KANK1: variants seen among roughly 807,000 people sequenced by gnomAD.
The protein encoded by KANK1 is KN motif and ankyrin repeat domain-containing protein 1.
In KANK1, 109 loss-of-function variants were observed where a neutral mutation model predicts 106.2. The ratio of observed to expected loss-of-function variants is 1.03; its 90% confidence interval spans 0.88 to 1.20. The LOEUF (loss-of-function observed/expected upper bound fraction) is 1.20. Ranked by LOEUF, KANK1 falls within the 50% of genes most tolerant of loss-of-function variation. The pLI is 0.00. For missense variants in KANK1, 2,399 were observed against 1,710.7 expected, an observed-to-expected ratio of 1.40 and a Z score of -7.10; for synonymous variants, 873 against 652.2, an observed-to-expected ratio of 1.34 and a Z score of -5.16.
In KANK1 at chr9:732,552, T is replaced by G; in HGVS notation, c.3180T>G (p.Ser1060=). ...HHAVNIEGLK[S]ARVEDEMQVQ... is the part of the protein sequence containing the mutation. ...CAGTTAATATTGAAGGTTTGAAGTC[T>G]GCCAGGGTGGAAGATGAAATGCAGG... is the stretch of plus-strand genomic sequence containing the variant. The change falls in exon 6 of 12, where the codon TCT becomes TCG. Residue 1060 remains serine, a synonymous_variant. Transcript: ENST00000382297. 6.2e-7 allele frequency: 1 copy of G among 1,614,190 alleles called. No homozygotes were observed. The highest frequency in any genetic ancestry group is 8.5e-7 in the Non-Finnish European group (1 of 1,180,030).
At chr9:570,350 TTGAGA>T (rs1339314383) in intron 1 of KANK1, among the ~76,000 whole-genome samples, 20 of 152,274 alleles carry the variant, frequency 1.3e-4, no homozygotes, top group African/African-American at 4.6e-4. Context: ...GTTAACAGTG[TTGAGA>T]TAAGAGAGGT....
At chr9:552,793 C>T (rs1267626977) in intron 1 of KANK1, among the ~76,000 whole-genome samples, 3 of 152,190 alleles carry the variant, frequency 2.0e-5, no homozygotes, top group East Asian at 1.9e-4. Context: ...GTATTGCATA[C>T]ACTGCTTTTA....
intron 1 of KANK1, among the ~76,000 whole-genome samples, chr9:520,699 C>T (rs1359633190): frequency 6.6e-6 from 1 of 151,696 alleles, no homozygotes; most frequent in Admixed American, 6.6e-5. Flanking sequence ...AAGATTATGC[C>T]TCAGAAATCT....
At chr9:722,327 C>G (rs1021218050) in intron 3 of KANK1, among the ~76,000 whole-genome samples, 1 of 152,096 alleles carries the variant, frequency 6.6e-6, no homozygotes, top group Non-Finnish European at 1.5e-5. Context: ...CTCTCTCTCT[C>G]TCTGTCTCTC....
chr9:673,624 C>T (rs1815743460), intron 1 of KANK1: 1 of 152,156 alleles, frequency 6.6e-6, no homozygotes, highest in South Asian at 2.1e-4. Flanking sequence ...CAATTTGGAT[C>T]TGAGAAAAAG....
At chr9:539,550 G>C (rs1226649550) in intron 1 of KANK1, 1 of 151,942 alleles carries the variant, frequency 6.6e-6, no homozygotes, top group Non-Finnish European at 1.5e-5. Flanking sequence ...GAGTGCAGTG[G>C]TGCGATCACA....
intron 3 of KANK1, among the ~76,000 whole-genome samples, chr9:481,619 C>T (rs76934902): frequency 0.022 from 3,343 of 152,208 alleles, 122 homozygotes; most frequent in African/African-American, 0.076. Context: ...AAGCTCATGA[C>T]GGCTCATTAG....
intron 1 of KANK1, among the ~76,000 whole-genome samples, chr9:575,547 C>T (rs1390443772): frequency 6.7e-6 from 1 of 150,196 alleles, no homozygotes; most frequent in Non-Finnish European, 1.5e-5. Flanking sequence ...TGATGCACAC[C>T]TGTGTTCCAG....
chr9:620,490 C>G (rs1832895381), intron 1 of KANK1, among the ~76,000 whole-genome samples: 1 of 151,984 alleles, frequency 6.6e-6, no homozygotes, highest in South Asian at 2.1e-4. Flanking sequence ...GCAACCTACA[C>G]CTCCCAGGTT....
rs1829853716 is a variant in KANK1 at position 723,370 on chromosome 9, C to G, written c.2699-6681C>G. On this transcript the variant is annotated intron_variant, in intron 3 of 11. Transcript: ENST00000382297. ...GGAAGGGGTGGGAGGAAAGGCTTAC[C>G]AGGTTGTTAGAAATGTTCTGTATCT... is the stretch of plus-strand genomic sequence containing the variant. 1.3e-5 allele frequency among the ~76,000 whole-genome samples: 2 copies of G among 152,102 alleles called. 1 individual carries two copies. Among genetic ancestry groups the G allele is most frequent in the South Asian group, 4.2e-4 (2 of 4,818 alleles).
At chr9:624,564 G>C (rs1034903424) in intron 1 of KANK1, among the ~76,000 whole-genome samples, 7 of 152,136 alleles carry the variant, frequency 4.6e-5, no homozygotes, top group Non-Finnish European at 1.0e-4. Flanking sequence ...AGCACTTTGA[G>C]AGGCTGAGGT....
At chr9:627,904 C>T (rs1458992383) in intron 1 of KANK1, among the ~76,000 whole-genome samples, 1 of 152,014 alleles carries the variant, frequency 6.6e-6, no homozygotes, top group African/African-American at 2.4e-5. Flanking sequence ...TAAAAATTTA[C>T]TAAGGGCTTG....
chr9:475,554 A>G (rs1220590414), intron 3 of KANK1, among the ~76,000 whole-genome samples: 1 of 151,998 alleles, frequency 6.6e-6, no homozygotes, highest in Admixed American at 6.5e-5. Flanking sequence ...CCAAATTCCT[A>G]TCTAGGGGGT....
intron 1 of KANK1, among the ~76,000 whole-genome samples, chr9:555,282 A>ATGG (rs2061513804): frequency 6.6e-6 from 1 of 152,190 alleles, no homozygotes; most frequent in South Asian, 2.1e-4. Flanking sequence ...CGATGACTCT[A>ATGG]TGGAGCCATC....
chr9:626,613 G>A (rs1834407376), intron 1 of KANK1, among the ~76,000 whole-genome samples: 2 of 152,304 alleles, frequency 1.3e-5, no homozygotes, highest in South Asian at 2.1e-4. Context: ...AATAAATACT[G>A]CCAACATCTG....
intron 2 of KANK1, chr9:693,716 T>C: frequency 1.0e-6 from 1 of 985,364 alleles, no homozygotes; most frequent in Non-Finnish European, 1.2e-6. Context: ...GTCCCTTTAA[T>C]GCTGAGGGAA....
At position 740,831 on chromosome 9, in the gene KANK1, C is replaced by T; in HGVS notation, c.3593C>T (p.Thr1198Ile). The change falls in exon 9 of 12, where the codon ACC becomes ATC. Residue 1198 changes from threonine (T) to isoleucine (I), a missense_variant. Coordinates refer to ENST00000382297, the MANE Select transcript of KANK1 (RefSeq NM_015158.5). ...GATCACCAGAACAAGGCAGGCTACACCCCCATCATGTTGGCGGCCCTCGCC... is the reference window on the plus strand; with the variant it reads ...GATCACCAGAACAAGGCAGGCTACATCCCCATCATGTTGGCGGCCCTCGCC... ...NVDHQNKAGY[T>I]PIMLAALAAV... The T allele has an allele frequency of 6.2e-7, 1 of 1,613,758 alleles. No individual in the cohort carries two copies. Among genetic ancestry groups the T allele is most frequent in the Non-Finnish European group, 8.5e-7 (1 of 1,179,954 alleles).
rs115582941 is a variant in KANK1, at chr9:608,524, T to C, written c.-83-68366T>C. Among the ~76,000 whole-genome samples the C allele has an allele frequency of 4.9e-3, 737 of 151,936 alleles. 31 individuals are homozygous for C. Among genetic ancestry groups the C allele is most frequent in the African/African-American group, 0.017 (687 of 41,186 alleles). On this transcript the variant is annotated intron_variant, in intron 1 of 11. Coordinates refer to ENST00000382297, the MANE Select transcript of KANK1 (RefSeq NM_015158.5). ...TTCAGAGCATGTGAGATGAAGATGATTGACTTTAGGGCATTTACATGTGGG... is the reference window on the plus strand; with the variant it reads ...TTCAGAGCATGTGAGATGAAGATGACTGACTTTAGGGCATTTACATGTGGG...
intron 1 of KANK1, among the ~76,000 whole-genome samples, chr9:610,326 G>A (rs905684823): frequency 6.6e-6 from 1 of 152,160 alleles, no homozygotes. Flanking sequence ...CTTCAGTCCT[G>A]CTCTCCAAAG....
Sources: gnomAD v4.1 joint callset for allele counts (sites outside exome capture counted in the v4.1 genomes callset) on GRCh38, gnomAD v4.1.1 for gene constraint, MANE v1.5 for transcripts, NCBI Gene and HGNC (gene_info 2026-07-23, HGNC 2026-07-21) for gene names.